U2SURP: variants seen among roughly 807,000 people sequenced by gnomAD.
U2SURP encodes U2 snRNP-associated SURP motif-containing protein.
A neutral mutation model predicts 144.9 loss-of-function variants in U2SURP; 9 were observed. The observed-to-expected ratio is 0.06, with a 90% CI of 0.04 to 0.11. The LOEUF is 0.11. U2SURP is among the 10% of genes least tolerant of loss of function. The pLI is 1.00. For missense variants in U2SURP, 724 were observed against 1,226.7 expected (o/e 0.59, Z 6.12); for synonymous variants, 408 against 396.8 (o/e 1.03, Z -0.33).
chr3:143,010,812 TAG>T lies in U2SURP; in HGVS notation c.46-1_46del, dbSNP rs1351494073. ...TATTGACTTTTATTTTTGATACTTG[TAG>T]ACGAGATCATCAGATGTTCATTCAT... is the stretch of plus-strand genomic sequence containing the variant. On this transcript the variant is annotated splice_acceptor_variant, in intron 1 of 27. Transcript: ENST00000473835. LOFTEE classifies it high-confidence loss of function. The T allele has an allele frequency of 1.2e-6, 2 of 1,604,978 alleles. No individual in the cohort carries two copies. The highest frequency in any genetic ancestry group is 1.7e-6 in the Non-Finnish European group (2 of 1,174,764).
chr3:143,018,565 G>A (rs191828890), intron 6 of U2SURP, among the ~76,000 whole-genome samples: 1 of 152,058 alleles, frequency 6.6e-6, no homozygotes, highest in Non-Finnish European at 1.5e-5. Flanking sequence ...TTGGATACAT[G>A]TATATACACA....
chr3:143,054,104 T>G (rs571464893), intron 26 of U2SURP, among the ~76,000 whole-genome samples: 1 of 152,228 alleles, frequency 6.6e-6, no homozygotes, highest in Non-Finnish European at 1.5e-5. Flanking sequence ...TGCTAGATTT[T>G]CCTTGTTGCA....
chr3:143,022,475 A>T (rs1291346427), intron 10 of U2SURP, 22 bp from the exon 11 acceptor site: 2 of 1,453,748 alleles, frequency 1.4e-6, no homozygotes, highest in East Asian at 2.4e-5. Flanking sequence ...GCATAATAAA[A>T]ATCTTTTACC....
At chr3:143,016,478 T>C in intron 5 of U2SURP, 107 bp downstream of exon 5, 1 of 959,348 alleles carries the variant, frequency 1.0e-6, no homozygotes, top group Non-Finnish European at 1.6e-6. Context: ...GAAAGGAAGT[T>C]TGGTTGCTTT....
Position 143,050,588 on chromosome 3 carries a change from G to T in U2SURP, c.2545-351G>T, listed in dbSNP as rs978252503. 3.9e-5 allele frequency among the ~76,000 whole-genome samples: 6 copies of T among 152,272 alleles called. No homozygotes were observed. In the East Asian group the frequency reaches 1.2e-3, roughly 29 times the overall value. On this transcript the variant is annotated intron_variant, in intron 24 of 27. Transcript: ENST00000473835. The stretch of plus-strand genomic sequence containing the variant: ...CCTCTTTTTTAAAGATGTTTAATCT[G>T]CATTCTGACTGTCATATCATGCTGG...
intron 4 of U2SURP, among the ~76,000 whole-genome samples, chr3:143,015,342 T>C (rs571049677): frequency 6.6e-6 from 1 of 152,256 alleles, no homozygotes; most frequent in East Asian, 1.9e-4. Context: ...CTTTGTTGAT[T>C]GTCTTTTTAT....
intron 24 of U2SURP, among the ~76,000 whole-genome samples, chr3:143,044,509 C>G (rs1174043492): frequency 6.6e-6 from 1 of 151,590 alleles, no homozygotes; most frequent in East Asian, 1.9e-4. Context: ...CTGGTCTCAC[C>G]CTCTCCTTTT....
intron 11 of U2SURP, 70 bp from the exon 12 acceptor site, chr3:143,022,783 A>G (rs1252362365): frequency 6.8e-7 from 1 of 1,462,286 alleles, no homozygotes; most frequent in East Asian, 2.5e-5. Context: ...AATTATTTCA[A>G]CTCACCAGAA....
At chr3:143,053,073 A>G (rs1165839023) in intron 25 of U2SURP, among the ~76,000 whole-genome samples, 4 of 151,268 alleles carry the variant, frequency 2.6e-5, no homozygotes, top group Non-Finnish European at 5.9e-5. Flanking sequence ...GATTATTGTG[A>G]ATAACCATTT....
At chr3:143,030,870 A>AC (rs918975193) in intron 16 of U2SURP, among the ~76,000 whole-genome samples, 2 of 152,016 alleles carry the variant, frequency 1.3e-5, no homozygotes, top group Non-Finnish European at 2.9e-5. Context: ...ATATAGTGAG[A>AC]CCCCATTTCT....
chr3:143,004,035 T>C (rs770261990), intron 1 of U2SURP, among the ~76,000 whole-genome samples: 1 of 152,166 alleles, frequency 6.6e-6, no homozygotes, highest in Non-Finnish European at 1.5e-5. Flanking sequence ...ATTAGAGAAA[T>C]TGTAAGATCA....
intron 7 of U2SURP, 128 bp downstream of exon 7, chr3:143,020,164 A>G: frequency 1.8e-6 from 1 of 558,674 alleles, no homozygotes; most frequent in Non-Finnish European, 2.9e-6. Context: ...ATTGTTTTAG[A>G]TATTATAATA....
At chr3:143,036,234 A>G in intron 20 of U2SURP, 130 bp downstream of exon 20, 1 of 1,053,108 alleles carries the variant, frequency 9.5e-7, no homozygotes, top group Non-Finnish European at 1.2e-6. Context: ...ACCATTAAGT[A>G]GTGGATTTTT....
chr3:143,017,862 G>A (rs888154991), intron 6 of U2SURP, among the ~76,000 whole-genome samples: 6 of 151,656 alleles, frequency 4.0e-5, no homozygotes, highest in African/African-American at 7.3e-5. Context: ...GGACTCAAGC[G>A]ATTTGCCCAC....
At chr3:143,035,924 G>C in intron 19 of U2SURP, 58 bp from the exon 20 acceptor site, 4 of 1,500,566 alleles carry the variant, frequency 2.7e-6, no homozygotes, top group Non-Finnish European at 3.5e-6. Context: ...CTCATGAACT[G>C]AAATTTGAGA....
chr3:143,016,214 A>C (rs755874815), intron 4 of U2SURP, 43 bp from the exon 5 acceptor site: 3 of 1,569,808 alleles, frequency 1.9e-6, no homozygotes, highest in Non-Finnish European at 2.6e-6. Context: ...GTACATTAAC[A>C]ATTTTTGTAT....
chr3:143,007,323 A>G (rs574862747), intron 1 of U2SURP, among the ~76,000 whole-genome samples: 2 of 144,078 alleles, frequency 1.4e-5, no homozygotes, highest in African/African-American at 5.3e-5. Flanking sequence ...GGTTCTTGCT[A>G]TGTTGCCCAG....
Position 143,056,926 on chromosome 3 carries a change from C to T in U2SURP, c.*476C>T, listed in dbSNP as rs1935178089. 6.4e-6 allele frequency: 1 copy of T among 155,554 alleles called. No homozygotes were observed. The highest frequency in any genetic ancestry group is 2.4e-5 in the African/African-American group (1 of 41,402). 9.6% of individuals were successfully genotyped at this position (155,554 alleles called of 1,614,324 possible). A position where few individuals can be genotyped will look rare whatever the true frequency, so the allele number is the denominator to read the frequency against. ...TCACACTACTGTTGTGCTTCTTATA[C>T]CTGATGCACTTTATAAGCCCCAGTG... On this transcript the variant is annotated 3_prime_UTR_variant, in exon 28 of 28. Coordinates refer to ENST00000473835, the MANE Select transcript of U2SURP (RefSeq NM_001080415.2).
chr3:143,059,729 G>A lies in U2SURP; in HGVS notation c.*3279G>A, dbSNP rs1323292722. The A allele has an allele frequency of 6.6e-6, 1 of 151,582 alleles. No homozygotes were observed. Among genetic ancestry groups the A allele is most frequent in the African/African-American group, 2.4e-5 (1 of 41,312 alleles). The allele number at this position is 151,582 out of a possible 1,614,324, so 9.4% of individuals were successfully genotyped here. On this transcript the variant is annotated 3_prime_UTR_variant, in exon 28 of 28. Transcript: ENST00000473835. ...GTTTACAAATAAGGTTTTTTTCTTT[G>A]TTGTTTTCCTCTTCTATTAAGTTTT...
Sources: allele counts gnomAD v4.1 joint callset (sites outside exome capture counted in the v4.1 genomes callset), GRCh38; gene constraint gnomAD v4.1.1; transcripts MANE v1.5; gene names NCBI Gene and HGNC (gene_info 2026-07-23, HGNC 2026-07-21).